The following ZNF407 variants were observed in gnomAD, a reference collection of about 807,000 sequenced individuals.
The protein encoded by ZNF407 is zinc finger protein 407.
ZNF407 carries 17 observed loss-of-function variants against 131.2 expected under a neutral mutation model. The ratio of observed to expected loss-of-function variants is 0.13; its 90% CI spans 0.09 to 0.19. The LOEUF is 0.19. Among genes scored for constraint, ZNF407 ranks in the 10% least tolerant of loss-of-function variants. The probability of loss-of-function intolerance (pLI) is 1.00; values close to 1 mark genes in which losing one functional copy is unlikely to be tolerated. For synonymous variants in ZNF407, 1,156 were observed against 1,062.0 expected, an observed-to-expected ratio of 1.09 and a Z score of -1.72; for missense variants, 2,681 against 2,830.6, an observed-to-expected ratio of 0.95 and a Z score of 1.20.
intron 4 of ZNF407, among the ~76,000 whole-genome samples, chr18:74,795,715 G>A (rs10514143): frequency 0.17 from 25,317 of 152,250 alleles, 2,369 homozygotes; most frequent in Non-Finnish European, 0.22. Context: ...TGTATGAGAG[G>A]AAGAGTTGAG....
Position 74,731,974 on chromosome 18 carries a change from A to G in ZNF407, c.4803-49454A>G, listed in dbSNP as rs552622512. 3.9e-5 allele frequency among the ~76,000 whole-genome samples: 6 copies of G among 152,142 alleles called. No homozygotes were observed. The South Asian group carries it at 1.2e-3, about 32-fold the overall frequency. ...AGAAAGAAATCATCAGGATCACTTA[A>G]TGGGAGTGTCTCATTTTACAGAGTT... On this transcript the variant is annotated intron_variant, in intron 3 of 8. Coordinates refer to ENST00000299687, the MANE Select transcript of ZNF407 (RefSeq NM_017757.3).
intron 8 of ZNF407, among the ~76,000 whole-genome samples, chr18:74,924,081 A>G (rs1253978261): frequency 6.6e-6 from 1 of 152,208 alleles, no homozygotes; most frequent in African/African-American, 2.4e-5. Context: ...CACTGGATGA[A>G]CCAAGCCAGT....
intron 3 of ZNF407, among the ~76,000 whole-genome samples, chr18:74,711,814 G>A (rs1456178389): frequency 3.9e-5 from 6 of 152,078 alleles, no homozygotes; most frequent in East Asian, 1.9e-4. Context: ...AGGTTCAAGC[G>A]ATTCTCCTGC....
At chr18:74,662,829 A>T (rs1174363770) in intron 3 of ZNF407, among the ~76,000 whole-genome samples, 3 of 152,232 alleles carry the variant, frequency 2.0e-5, no homozygotes, top group African/African-American at 7.2e-5. Flanking sequence ...TCACTCTGTC[A>T]GTCAATAGAG....
chr18:74,654,689 G>C (rs548793865), intron 3 of ZNF407, among the ~76,000 whole-genome samples: 40 of 151,836 alleles, frequency 2.6e-4, no homozygotes, highest in African/African-American at 9.4e-4. Context: ...TTACAAATTT[G>C]AGATCATGAG....
In ZNF407 at chr18:74,635,815, A is replaced by G. The variant is rs966601123; in HGVS notation, c.4687+109A>G. The G allele has an allele frequency of 6.3e-5, 90 of 1,428,552 alleles. No homozygotes were observed. The highest frequency in any genetic ancestry group is 4.4e-4 in the Admixed American group (19 of 42,842). 88.5% of individuals were successfully genotyped at this position (1,428,552 alleles called of 1,614,324 possible). A position where few individuals can be genotyped will look rare whatever the true frequency, so the allele number is the denominator to read the frequency against. On this transcript the variant is annotated intron_variant, in intron 2 of 8. Transcript: ENST00000299687. This position sits in a 1 kb window ranked among gnomAD's most constrained non-coding sequence, Gnocchi z 4.7. ...CTCATTGGCTTTCCACCCGGTTCAC[A>G]TTTCACTGCCGTGTGCTGCTCTGCT...
At chr18:74,738,216 T>A in intron 3 of ZNF407, among the ~76,000 whole-genome samples, 1 of 151,580 alleles carries the variant, frequency 6.6e-6, no homozygotes, top group East Asian at 1.9e-4. Flanking sequence ...AGTCAAGAGA[T>A]TGAGACCATC....
chr18:74,913,477 G>T (rs1971702480), intron 7 of ZNF407, among the ~76,000 whole-genome samples: 1 of 152,222 alleles, frequency 6.6e-6, no homozygotes, highest in Non-Finnish European at 1.5e-5. Flanking sequence ...CTGTTCCATG[G>T]AAAAGCGAGA....
At chr18:74,899,209 G>A (rs1335538073) in intron 7 of ZNF407, among the ~76,000 whole-genome samples, 2 of 152,192 alleles carry the variant, frequency 1.3e-5, no homozygotes, top group African/African-American at 2.4e-5. Flanking sequence ...AATCACTGGT[G>A]CAGTACAAAT....
rs1339852631 is a variant in ZNF407 at position 75,063,553 on chromosome 18, G to T, written c.5832G>T (p.Val1944=). The change falls in exon 9 of 9, where the codon GTG becomes GTT. Residue 1944 remains valine (V), a synonymous_variant. Coordinates refer to ENST00000299687, the MANE Select transcript of ZNF407 (RefSeq NM_017757.3). The surrounding 1 kb of genome is among the most constrained non-coding windows in gnomAD (Gnocchi z 6.6). ...LADGATQVVV[V]GGSMEGHGMD... ...ATGGAGCCACCCAGGTGGTCGTCGT[G>T]GGGGGCTCCATGGAAGGCCACGGCA... The T allele has an allele frequency of 7.7e-6, 12 of 1,567,570 alleles. No homozygotes were observed. The highest frequency in any genetic ancestry group is 1.7e-4 in the Middle Eastern group (1 of 6,010).
chr18:74,944,194 G>T (rs938537141), intron 8 of ZNF407, among the ~76,000 whole-genome samples: 4 of 152,058 alleles, frequency 2.6e-5, no homozygotes, highest in African/African-American at 9.7e-5. Context: ...TAGCTTTTAT[G>T]TTCTTACAGG....
intron 8 of ZNF407, among the ~76,000 whole-genome samples, chr18:74,970,499 T>C (rs1248404692): frequency 6.6e-6 from 1 of 152,174 alleles, no homozygotes; most frequent in Non-Finnish European, 1.5e-5. Context: ...TGGGAGAAAT[T>C]GGCCAAAACA....
chr18:74,966,783 A>G (rs1186570121), intron 8 of ZNF407, among the ~76,000 whole-genome samples: 4 of 151,878 alleles, frequency 2.6e-5, no homozygotes, highest in East Asian at 1.9e-4. Flanking sequence ...GATTTTTCCA[A>G]TCCATGAATG....
intron 1 of ZNF407, among the ~76,000 whole-genome samples, chr18:74,623,355 C>T (rs75932256): frequency 1.5e-5 from 2 of 137,106 alleles, no homozygotes; most frequent in South Asian, 4.7e-4. Context: ...TGTGAGTGCG[C>T]GTGTGCGTCT....
intron 8 of ZNF407, among the ~76,000 whole-genome samples, chr18:75,038,198 A>G (rs1485833614): frequency 6.6e-6 from 1 of 152,262 alleles, no homozygotes; most frequent in Non-Finnish European, 1.5e-5. Flanking sequence ...GAGTAACTTC[A>G]AATGGCATTA....
chr18:74,972,917 T>G (rs888415202), intron 8 of ZNF407, among the ~76,000 whole-genome samples: 3 of 152,230 alleles, frequency 2.0e-5, no homozygotes, highest in Non-Finnish European at 4.4e-5. Flanking sequence ...TGTTATTAAG[T>G]TGGTATGTTT....
At chr18:74,968,632 A>G (rs1314793797) in intron 8 of ZNF407, among the ~76,000 whole-genome samples, 1 of 152,208 alleles carries the variant, frequency 6.6e-6, no homozygotes, top group South Asian at 2.1e-4. Context: ...TCATATTTTC[A>G]GATGAGAAAT....
Position 74,632,198 on chromosome 18 carries a change from G to T in ZNF407, c.1179G>T (p.Glu393Asp). Residue 393 changes from glutamate (E) to aspartate (D), a missense_variant, in exon 2 of 9, where the codon GAG becomes GAT. Physicochemically the swap from Glu to Asp is conservative, Grantham distance 45 (BLOSUM62 2). Around this residue, in one of 6 missense-constraint regions of ZNF407, gnomAD observed 1,789 missense variants for 1,748.7 expected, o/e 1.02. Coordinates refer to ENST00000299687, the MANE Select transcript of ZNF407 (RefSeq NM_017757.3). ...TAGTAACCTCAGAGGGTCTCTTAGA[G>T]AAATTGGAATCTACAAAAAATACCC... ...DTLVTSEGLL[E>D]KLESTKNTLQ... 6.2e-7 allele frequency: 1 copy of T among 1,613,960 alleles called. No individual in the cohort carries two copies. The highest frequency in any genetic ancestry group is 1.1e-5 in the South Asian group (1 of 91,090).
intron 8 of ZNF407, among the ~76,000 whole-genome samples, chr18:74,989,806 G>C (rs1004408319): frequency 6.7e-6 from 1 of 149,270 alleles, no homozygotes; most frequent in Non-Finnish European, 1.5e-5. Flanking sequence ...TCCCACGACT[G>C]TACTCCAGCC....
Sources: gnomAD v4.1 joint callset for allele counts (sites outside exome capture counted in the v4.1 genomes callset) on GRCh38, gnomAD v4.1.1 for gene constraint, gnomAD v4.1.1 regional missense constraint, Gnocchi (gnomAD v3.1) non-coding constraint, MANE v1.5 for transcripts, NCBI Gene and HGNC (gene_info 2026-07-23, HGNC 2026-07-21) for gene names.